Variants in TRIO observed in about 807,000 individuals in gnomAD.
The protein encoded by TRIO is trio Rho guanine nucleotide exchange factor.
A neutral mutation model predicts 351.9 loss-of-function variants in TRIO; 58 were observed. That is an observed-to-expected ratio of 0.16 (90% CI 0.13 to 0.21). The LOEUF is 0.21. Ranked by LOEUF, TRIO falls within the 10% of genes least tolerant of loss-of-function variation. The pLI, the probability that TRIO is intolerant of heterozygous loss-of-function variation, is 1.00. For missense variants in TRIO, 3,201 were observed against 4,027.8 expected (o/e 0.79, Z 5.56); for synonymous variants, 1,758 against 1,595.7 (o/e 1.10, Z -2.42).
chr5:14,435,365 C>T (rs570671884), intron 34 of TRIO, among the ~76,000 whole-genome samples: 1 of 152,326 alleles, frequency 6.6e-6, no homozygotes, highest in East Asian at 1.9e-4. Flanking sequence ...CCACAATGTG[C>T]AGGCTGGTTG....
At chr5:14,410,103 G>A (rs1369682992) in intron 33 of TRIO, among the ~76,000 whole-genome samples, 1 of 152,206 alleles carries the variant, frequency 6.6e-6, no homozygotes, top group Admixed American at 6.5e-5. Flanking sequence ...AGGATGAAAT[G>A]TCGTGTCGTG....
chr5:14,487,481 G>A lies in TRIO; in HGVS notation c.6853G>A (p.Glu2285Lys), dbSNP rs776030839. The A allele has an allele frequency of 2.7e-6, 3 of 1,093,378 alleles. No individual in the cohort carries two copies. The highest frequency in any genetic ancestry group is 2.3e-6 in the Non-Finnish European group (2 of 882,146). 67.7% of individuals were successfully genotyped at this position (1,093,378 alleles called of 1,614,324 possible). A position where few individuals can be genotyped will look rare whatever the true frequency, so the allele number is the denominator to read the frequency against. ...TCTTACAGCCTTGACATCGCCAATC[G>A]AGTACCAGAGGAACCACAGCGGGGG... ...NFLNALTSPI[E>K]YQRNHSGGGG... Residue 2285 changes from glutamate to lysine, a missense_variant, in exon 48 of 57, where the codon GAG becomes AAG. Coordinates refer to ENST00000344204, the MANE Select transcript of TRIO (RefSeq NM_007118.4).
chr5:14,159,516 T>TACTCCTGC (rs1788305082), intron 1 of TRIO, among the ~76,000 whole-genome samples: 1 of 152,148 alleles, frequency 6.6e-6, no homozygotes, highest in African/African-American at 2.4e-5. Context: ...GAAAGTGATA[T>TACTCCTGC]TAACATTAAA....
At chr5:14,471,681 C>A (rs751214363) in intron 38 of TRIO, among the ~76,000 whole-genome samples, 5 of 152,062 alleles carry the variant, frequency 3.3e-5, no homozygotes, top group Non-Finnish European at 7.4e-5. Flanking sequence ...TATGATACTT[C>A]ATAAGTAAGA....
In TRIO at chr5:14,336,726, A is replaced by C; in HGVS notation, c.2045A>C (p.Glu682Ala). 6.2e-7 allele frequency: 1 copy of C among 1,614,124 alleles called. No homozygotes were observed. Among genetic ancestry groups the C allele is most frequent in the Non-Finnish European group, 8.5e-7 (1 of 1,179,976 alleles). Residue 682 changes from glutamate (E) to alanine (A), a missense_variant and splice_region_variant, in exon 11 of 57, where the codon GAG (glutamate) becomes GCG (alanine). Physicochemically the swap from Glu to Ala is moderately radical, Grantham distance 107 (BLOSUM62 -1). This residue lies in a region of TRIO where 363 missense variants were observed against 553.5 expected (regional missense o/e 0.66). Coordinates refer to ENST00000344204, the MANE Select transcript of TRIO (RefSeq NM_007118.4). The part of the protein sequence containing the change: ...MSVSFHTHVK[E>A]LWTWLEELQK... The stretch of plus-strand genomic sequence containing the variant: ...GTGTCCTTTCACACCCATGTGAAAG[A>C]GGTAAGGTGCCAGGAGACCAAAATA...
At chr5:14,264,612 C>T (rs1310824903) in intron 1 of TRIO, among the ~76,000 whole-genome samples, 1 of 151,924 alleles carries the variant, frequency 6.6e-6, no homozygotes, top group East Asian at 1.9e-4. Context: ...TGTGTCTTCC[C>T]CCCACCCTTT....
chr5:14,187,354 G>A (rs73055592), intron 1 of TRIO, among the ~76,000 whole-genome samples: 6,604 of 152,212 alleles, frequency 0.043, 493 homozygotes, highest in African/African-American at 0.15. Flanking sequence ...GTTTTGTTTT[G>A]TGTTTTTGAT....
chr5:14,171,477 G>A (rs992271507), intron 1 of TRIO, among the ~76,000 whole-genome samples: 1 of 152,208 alleles, frequency 6.6e-6, no homozygotes, highest in Non-Finnish European at 1.5e-5. Context: ...ATAAGCTGAT[G>A]AGCCGGAGGT....
intron 3 of TRIO, among the ~76,000 whole-genome samples, chr5:14,283,392 A>G (rs904877011): frequency 6.6e-6 from 1 of 152,204 alleles, no homozygotes; most frequent in Non-Finnish European, 1.5e-5. Context: ...CCTCAGAATC[A>G]GACTGACTGT....
chr5:14,326,397 C>G (rs247145), intron 9 of TRIO, among the ~76,000 whole-genome samples: 1 of 152,120 alleles, frequency 6.6e-6, no homozygotes, highest in East Asian at 1.9e-4. Flanking sequence ...AGGTGCTGAG[C>G]GATGGTAGCT....
chr5:14,207,134 C>G (rs1259374685), intron 1 of TRIO, among the ~76,000 whole-genome samples: 1 of 151,804 alleles, frequency 6.6e-6, no homozygotes, highest in Non-Finnish European at 1.5e-5. Context: ...TCAAAATATA[C>G]CTTTAAGGAA....
At chr5:14,488,383 T>C (rs1756203510) in intron 48 of TRIO, 123 bp downstream of exon 48, 2 of 1,403,194 alleles carry the variant, frequency 1.4e-6, no homozygotes, top group African/African-American at 1.4e-5. Flanking sequence ...CGTTGCGGCC[T>C]CTACCTGGGA....
chr5:14,417,858 C>T (rs1749769845), intron 33 of TRIO, among the ~76,000 whole-genome samples: 1 of 152,218 alleles, frequency 6.6e-6, no homozygotes, highest in African/African-American at 2.4e-5. Context: ...TGAATGCTAG[C>T]TGGATGCGGA....
At chr5:14,220,047 TTC>T (rs1400789634) in intron 1 of TRIO, among the ~76,000 whole-genome samples, 13 of 144,468 alleles carry the variant, frequency 9.0e-5, no homozygotes, top group African/African-American at 3.1e-4. Context: ...CCTCTTCTTC[TTC>T]TTTTTTTTTT....
intron 1 of TRIO, among the ~76,000 whole-genome samples, chr5:14,189,162 G>A (rs936834799): frequency 3.9e-5 from 6 of 152,236 alleles, no homozygotes; most frequent in Non-Finnish European, 8.8e-5. Flanking sequence ...AAATATTGTA[G>A]TAGTATTGTA....
At chr5:14,502,525 T>C (rs1416600406) in intron 53 of TRIO, 54 bp from the exon 54 acceptor site, 42 of 1,598,272 alleles carry the variant, frequency 2.6e-5, no homozygotes, top group Non-Finnish European at 3.3e-5. Context: ...ATAGCCTTCT[T>C]ACCCAAGAAG....
At chr5:14,375,307 A>G (rs897942551) in intron 19 of TRIO, among the ~76,000 whole-genome samples, 1 of 152,206 alleles carries the variant, frequency 6.6e-6, no homozygotes, top group African/African-American at 2.4e-5. Context: ...CATTTCCTGT[A>G]GAAATAAGTT....
At chr5:14,386,966 C>A (rs1746598191) in intron 21 of TRIO, among the ~76,000 whole-genome samples, 2 of 152,280 alleles carry the variant, frequency 1.3e-5, no homozygotes, top group African/African-American at 4.8e-5. Flanking sequence ...ACAGCCGTGG[C>A]CACACATGCT....
chr5:14,498,460 C>T (rs893488145), intron 52 of TRIO, 59 bp from the exon 53 acceptor site: 21 of 1,578,384 alleles, frequency 1.3e-5, no homozygotes, highest in African/African-American at 8.1e-5. Context: ...AGGAGGCCAG[C>T]GCTGATGGCC....
Sources: gnomAD v4.1 joint callset for allele counts (sites outside exome capture counted in the v4.1 genomes callset) on GRCh38, gnomAD v4.1.1 for gene constraint, gnomAD v4.1.1 regional missense constraint, MANE v1.5 for transcripts, NCBI Gene and HGNC (gene_info 2026-07-23, HGNC 2026-07-21) for gene names.